CDK14: variants seen among roughly 807,000 people sequenced by gnomAD.
CDK14 encodes the protein cyclin dependent kinase 14.
In CDK14, 34 loss-of-function variants were observed where a neutral mutation model predicts 60.7. The ratio of observed to expected loss-of-function variants is 0.56; its 90% CI spans 0.43 to 0.75. The LOEUF (loss-of-function observed/expected upper bound fraction) is 0.75. CDK14 is among the 30% of genes least tolerant of loss of function. CDK14 has a pLI of 0.00. For missense variants in CDK14, 482 were observed against 564.1 expected, an observed-to-expected ratio of 0.85 and a Z score of 1.47; for synonymous variants, 197 against 203.7, an observed-to-expected ratio of 0.97 and a Z score of 0.28.
chr7:90,807,287 G>A (rs367734259), intron 5 of CDK14, among the ~76,000 whole-genome samples: 2 of 152,180 alleles, frequency 1.3e-5, no homozygotes, highest in East Asian at 1.9e-4. Flanking sequence ...GGAATGATCA[G>A]GCAGCAACAT....
chr7:91,175,855 T>C (rs1174492078), intron 14 of CDK14, among the ~76,000 whole-genome samples: 1 of 141,018 alleles, frequency 7.1e-6, no homozygotes, highest in Non-Finnish European at 1.6e-5. Context: ...CACACATTAA[T>C]AATGGGAGAC....
chr7:90,947,020 A>G (rs2117532553), intron 8 of CDK14, among the ~76,000 whole-genome samples: 1 of 152,288 alleles, frequency 6.6e-6, no homozygotes, highest in African/African-American at 2.4e-5. Context: ...CATTTCAGCA[A>G]CCAGACCCTA....
At chr7:90,783,784 G>A (rs542884304) in intron 4 of CDK14, among the ~76,000 whole-genome samples, 101 of 152,198 alleles carry the variant, frequency 6.6e-4, no homozygotes, top group African/African-American at 2.4e-3. Context: ...ATAACAAATA[G>A]CGATGAGGAT....
At position 90,915,261 on chromosome 7, in the gene CDK14, C is replaced by T. The variant is rs191349235; in HGVS notation, c.703-2340C>T. On this transcript the variant is annotated intron_variant, in intron 7 of 14. Coordinates refer to ENST00000380050, the MANE Select transcript of CDK14 (RefSeq NM_001287135.2). ...ACCATCCTGGCTAACATGGTGAAACCCCGTCTCTACTAAAAATAATACAAA... is the reference window on the plus strand; with the variant it reads ...ACCATCCTGGCTAACATGGTGAAACTCCGTCTCTACTAAAAATAATACAAA... Among the ~76,000 whole-genome samples the T allele has an allele frequency of 5.7e-3, 874 of 152,202 alleles. 3 individuals are homozygous for T. The highest frequency in any genetic ancestry group is 8.2e-3 in the Non-Finnish European group (556 of 68,006).
At chr7:90,663,889 T>C (rs1382213502) in intron 2 of CDK14, among the ~76,000 whole-genome samples, 1 of 152,208 alleles carries the variant, frequency 6.6e-6, no homozygotes, top group Non-Finnish European at 1.5e-5. Flanking sequence ...ATATTTTCCT[T>C]AAAAACTTTC....
At chr7:91,179,228 A>T (rs865888576) in intron 14 of CDK14, among the ~76,000 whole-genome samples, 21 of 151,806 alleles carry the variant, frequency 1.4e-4, no homozygotes, top group Non-Finnish European at 2.8e-4. Context: ...ACTGGAAATT[A>T]TCATTCTCAG....
intron 8 of CDK14, among the ~76,000 whole-genome samples, chr7:90,937,016 C>G (rs963134538): frequency 1.3e-5 from 2 of 151,936 alleles, no homozygotes; most frequent in African/African-American, 4.8e-5. Flanking sequence ...GATTTCAAGG[C>G]TTCAGTGAGG....
intron 10 of CDK14, among the ~76,000 whole-genome samples, chr7:91,023,642 G>A (rs1196608137): frequency 2.0e-5 from 3 of 152,138 alleles, no homozygotes; most frequent in South Asian, 2.1e-4. Flanking sequence ...GTCATTAGGG[G>A]ACAAAGTACT....
At chr7:91,045,211 G>A (rs1797199162) in intron 10 of CDK14, among the ~76,000 whole-genome samples, 2 of 152,180 alleles carry the variant, frequency 1.3e-5, no homozygotes, top group Non-Finnish European at 2.9e-5. Context: ...GGAACAGAAT[G>A]TTCCAATGGA....
chr7:90,934,219 A>G (rs2191316), intron 8 of CDK14, among the ~76,000 whole-genome samples: 126,209 of 152,306 alleles, frequency 0.83, 52,446 homozygotes, highest in East Asian at 0.95. Flanking sequence ...ACCTGCTGCC[A>G]GTCAGGCGGG....
In CDK14 at chr7:90,700,886, G is replaced by A. The variant is rs1422414293; in HGVS notation, c.124-25681G>A. ...TCTGTGAGAGCAGCAGTTGTGTCTC[G>A]TTCATCTTTATACCTCCTGTAGTGA... On this transcript the variant is annotated intron_variant, in intron 2 of 14. Coordinates refer to ENST00000380050, the MANE Select transcript of CDK14 (RefSeq NM_001287135.2). Among the ~76,000 whole-genome samples the A allele has an allele frequency of 2.0e-5, 3 of 152,108 alleles. No homozygotes were observed. In the South Asian group the frequency reaches 6.2e-4, roughly 32 times the overall value.
At chr7:90,709,454 C>T in intron 2 of CDK14, 2 of 1,551,540 alleles carry the variant, frequency 1.3e-6, no homozygotes, top group Non-Finnish European at 8.7e-7. Flanking sequence ...CTGTTTGGCT[C>T]CCATTCTGTA....
intron 1 of CDK14, among the ~76,000 whole-genome samples, chr7:90,600,279 A>G (rs1383044952): frequency 2.0e-5 from 3 of 152,160 alleles, no homozygotes; most frequent in Admixed American, 6.5e-5. Context: ...TTAATTATTG[A>G]GTAGTTTAAG....
At chr7:90,953,919 G>T (rs1212329246) in intron 8 of CDK14, among the ~76,000 whole-genome samples, 2 of 152,080 alleles carry the variant, frequency 1.3e-5, no homozygotes, top group Non-Finnish European at 1.5e-5. Flanking sequence ...CCTATCTATT[G>T]TTCAATTTTG....
intron 14 of CDK14, among the ~76,000 whole-genome samples, chr7:91,132,069 G>A (rs1800135762): frequency 6.6e-6 from 1 of 152,036 alleles, no homozygotes; most frequent in African/African-American, 2.4e-5. Context: ...ATAGTAAGAA[G>A]ACAGTTCCAG....
chr7:90,786,601 T>A (rs1805592107), intron 4 of CDK14, among the ~76,000 whole-genome samples: 1 of 152,136 alleles, frequency 6.6e-6, no homozygotes, highest in South Asian at 2.1e-4. Context: ...ACTTAGACTG[T>A]CAAATATTTC....
intron 12 of CDK14, among the ~76,000 whole-genome samples, chr7:91,098,472 T>G (rs1799061628): frequency 6.6e-6 from 1 of 150,936 alleles, no homozygotes; most frequent in Non-Finnish European, 1.5e-5. Flanking sequence ...ACCTGCATGT[T>G]GTGCACATGT....
chr7:90,867,843 A>G (rs1307050939), intron 6 of CDK14, among the ~76,000 whole-genome samples: 1 of 152,130 alleles, frequency 6.6e-6, no homozygotes, highest in Non-Finnish European at 1.5e-5. Context: ...TATAAAAGCA[A>G]GGTTGGACAC....
chr7:90,769,814 G>A (rs1413659529), intron 4 of CDK14, among the ~76,000 whole-genome samples: 3 of 152,154 alleles, frequency 2.0e-5, no homozygotes, highest in Admixed American at 2.0e-4. Context: ...TATGAACAGA[G>A]AAAGCTGATG....
Sources: allele counts gnomAD v4.1 joint callset (sites outside exome capture counted in the v4.1 genomes callset), GRCh38; gene constraint gnomAD v4.1.1; transcripts MANE v1.5; gene names NCBI Gene and HGNC (gene_info 2026-07-23, HGNC 2026-07-21).